SSPN: variants seen among roughly 807,000 people sequenced by gnomAD.
SSPN encodes the protein sarcospan.
A neutral mutation model predicts 19.1 loss-of-function variants in SSPN; 15 were observed. That is an observed-to-expected ratio of 0.78 (90% CI 0.52 to 1.21). The LOEUF (loss-of-function observed/expected upper bound fraction) is 1.21, where lower values mean the gene tolerates loss of function less well. Among genes scored for constraint, SSPN ranks in the 50% most tolerant of loss-of-function variants. The pLI, the probability that SSPN is intolerant of heterozygous loss-of-function variation, is 0.00. For missense variants in SSPN, 291 were observed against 314.0 expected (o/e 0.93, Z 0.55); for synonymous variants, 147 against 140.3 (o/e 1.05, Z -0.34).
chr12:26,228,255 TG>T (rs1945196652), intron 2 of SSPN, among the ~76,000 whole-genome samples: 2 of 151,414 alleles, frequency 1.3e-5, no homozygotes, highest in Non-Finnish European at 2.9e-5. Context: ...AAAAATTAGC[TG>T]GGTGTGGTGG....
At chr12:26,122,282 C>T in intron 1 of SSPN, 2 of 1,202,354 alleles carry the variant, frequency 1.7e-6, no homozygotes, top group Non-Finnish European at 2.1e-6. Flanking sequence ...GGCAGGGGAA[C>T]GCGGCGGCGG....
At chr12:26,122,205 T>C (rs767700203) in intron 1 of SSPN, 1 of 1,382,224 alleles carries the variant, frequency 7.2e-7, no homozygotes, top group Non-Finnish European at 9.3e-7. Flanking sequence ...GGGCGCCACC[T>C]CGTGCGGCAG....
chr12:26,123,385 C>T (rs567918709), intron 1 of SSPN, among the ~76,000 whole-genome samples: 59 of 152,320 alleles, frequency 3.9e-4, no homozygotes, highest in Non-Finnish European at 6.3e-4. Flanking sequence ...CAGCTGAAAA[C>T]CAAAGTGGAG....
chr12:26,219,965 A>T (rs963140427), intron 1 of SSPN, among the ~76,000 whole-genome samples: 1 of 152,140 alleles, frequency 6.6e-6, no homozygotes, highest in African/African-American at 2.4e-5. Context: ...GGACTCTAGG[A>T]ATGTCATTCC....
chr12:26,230,623 GA>G (rs1162403497), intron 2 of SSPN, 87 bp from the exon 3 acceptor site: 2 of 1,471,330 alleles, frequency 1.4e-6, no homozygotes, highest in Non-Finnish European at 1.8e-6. Context: ...TGGGAGGGAA[GA>G]AAAAGAACAG....
rs759188899 is a variant in SSPN at position 26,156,388 on chromosome 12, C to T, written c.-31+34236C>T. Among the ~76,000 whole-genome samples, 71 of 152,218 alleles carry T rather than the reference C, an allele frequency of 4.7e-4. 1 individual carries two copies. The highest frequency in any genetic ancestry group is 2.5e-4 in the Non-Finnish European group (17 of 68,024). The stretch of plus-strand genomic sequence containing the variant: ...GAGGGAGCAGAGATGGCATCTACCT[C>T]GAATGGTGGGGTAAAGATGCAAATA... On this transcript the variant is annotated intron_variant, in intron 1 of 2. Transcript: ENST00000538142.
intron 1 of SSPN, among the ~76,000 whole-genome samples, chr12:26,200,354 A>G (rs1944866772): frequency 1.3e-5 from 2 of 152,188 alleles, no homozygotes; most frequent in African/African-American, 2.4e-5. Context: ...TTCGTATGTT[A>G]ACTTATCCTA....
intron 1 of SSPN, among the ~76,000 whole-genome samples, chr12:26,167,360 AAGC>A (rs1944627636): frequency 1.3e-5 from 2 of 152,204 alleles, no homozygotes; most frequent in Admixed American, 1.3e-4. Context: ...AGATTGGAAA[AAGC>A]AGCAGAGTGT....
At chr12:26,167,543 C>T (rs572131487) in intron 1 of SSPN, among the ~76,000 whole-genome samples, 1 of 152,120 alleles carries the variant, frequency 6.6e-6, no homozygotes, top group South Asian at 2.1e-4. Flanking sequence ...TACAATCTCT[C>T]CTGCTTTCTT....
At chr12:26,165,234 G>A (rs900170256) in intron 1 of SSPN, among the ~76,000 whole-genome samples, 2 of 152,114 alleles carry the variant, frequency 1.3e-5, no homozygotes, top group Non-Finnish European at 2.9e-5. Flanking sequence ...TGCAAGGCTC[G>A]GGTCTCAAAT....
chr12:26,192,639 A>G (rs1291969965), upstream of SSPN, among the ~76,000 whole-genome samples: 1 of 152,214 alleles, frequency 6.6e-6, no homozygotes, highest in Non-Finnish European at 1.5e-5. Flanking sequence ...TCAAACACAG[A>G]TTCAACCATG....
intron 1 of SSPN, among the ~76,000 whole-genome samples, chr12:26,209,968 C>T (rs551840210): frequency 6.6e-6 from 1 of 151,954 alleles, no homozygotes; most frequent in Non-Finnish European, 1.5e-5. Flanking sequence ...AGAGTACAAC[C>T]CTTCCAGATG....
chr12:26,169,928 C>G (rs1451754880), intron 1 of SSPN, among the ~76,000 whole-genome samples: 12 of 152,192 alleles, frequency 7.9e-5, no homozygotes, highest in Non-Finnish European at 1.6e-4. Flanking sequence ...AGCCTTTGAG[C>G]AACTGGTTCC....
intron 1 of SSPN, among the ~76,000 whole-genome samples, chr12:26,165,764 G>A (rs1313059625): frequency 1.3e-5 from 2 of 152,202 alleles, no homozygotes; most frequent in East Asian, 3.8e-4. Flanking sequence ...ACCTAGGATA[G>A]AGAAAGAAAT....
chr12:26,153,462 A>G (rs77049734), intron 1 of SSPN, among the ~76,000 whole-genome samples: 1,980 of 152,234 alleles, frequency 0.013, 48 homozygotes, highest in African/African-American at 0.046. Context: ...TTTGAGCTCC[A>G]TGAGAGCAGT....
chr12:26,183,920 A>T (rs1944736086), intron 1 of SSPN, among the ~76,000 whole-genome samples: 1 of 152,234 alleles, frequency 6.6e-6, no homozygotes, highest in Admixed American at 6.5e-5. Context: ...GAAACCAGAA[A>T]AAAAGGAAAT....
intron 1 of SSPN, 37 bp from the exon 2 acceptor site, chr12:26,224,256 C>A: frequency 6.8e-7 from 1 of 1,466,284 alleles, no homozygotes; most frequent in Non-Finnish European, 9.6e-7. Context: ...CACAACGTAC[C>A]CTGATAACAT....
At chr12:26,136,781 C>T (rs958790166) in intron 1 of SSPN, among the ~76,000 whole-genome samples, 2 of 152,164 alleles carry the variant, frequency 1.3e-5, no homozygotes, top group Admixed American at 6.5e-5. Flanking sequence ...CATGGTACTT[C>T]GTGTGCTACT....
At chr12:26,202,202 C>G (rs1314850534) in intron 1 of SSPN, among the ~76,000 whole-genome samples, 2 of 152,132 alleles carry the variant, frequency 1.3e-5, no homozygotes, top group Non-Finnish European at 2.9e-5. Flanking sequence ...ACAGACACAA[C>G]CATCCTTTTT....
Sources: gnomAD v4.1 joint callset for allele counts (sites outside exome capture counted in the v4.1 genomes callset) on GRCh38, gnomAD v4.1.1 for gene constraint, MANE v1.5 for transcripts, NCBI Gene and HGNC (gene_info 2026-07-23, HGNC 2026-07-21) for gene names.